Variants in JHY observed in about 807,000 individuals in gnomAD.
The protein encoded by JHY is jhy protein homolog.
JHY carries 69 observed loss-of-function variants against 78.0 expected under a neutral mutation model. That is an observed-to-expected ratio of 0.88 (90% CI 0.73 to 1.08). JHY has a LOEUF of 1.08. JHY is among the 50% of genes least tolerant of loss of function. JHY has a pLI of 0.00. For missense variants in JHY, 944 were observed against 927.8 expected (o/e 1.02, Z -0.23); for synonymous variants, 368 against 342.6 (o/e 1.07, Z -0.82).
chr11:122,887,982 C>T (rs1055059936), intron 2 of JHY, among the ~76,000 whole-genome samples: 1 of 151,238 alleles, frequency 6.6e-6, no homozygotes, highest in Non-Finnish European at 1.5e-5. Flanking sequence ...CGTGTGGGAG[C>T]GAGAAGTAGA....
At chr11:122,895,597 G>C (rs895267155) in intron 2 of JHY, among the ~76,000 whole-genome samples, 1 of 152,144 alleles carries the variant, frequency 6.6e-6, no homozygotes, top group Non-Finnish European at 1.5e-5. Context: ...ATGTGAAACC[G>C]TCCCCCACTC....
At chr11:122,921,286 T>A (rs1863359180) in intron 3 of JHY, among the ~76,000 whole-genome samples, 1 of 152,258 alleles carries the variant, frequency 6.6e-6, no homozygotes, top group African/African-American at 2.4e-5. Context: ...AATCAAACAG[T>A]ATCAACAGTA....
intron 3 of JHY, among the ~76,000 whole-genome samples, chr11:122,923,413 C>A (rs1362892344): frequency 1.3e-5 from 2 of 152,264 alleles, no homozygotes; most frequent in African/African-American, 4.8e-5. Flanking sequence ...AGGCAGACAG[C>A]GAGTAAACAT....
At chr11:122,914,773 T>C (rs980254467) in intron 3 of JHY, among the ~76,000 whole-genome samples, 3 of 152,162 alleles carry the variant, frequency 2.0e-5, no homozygotes, top group African/African-American at 7.2e-5. Context: ...ACCTATCCTA[T>C]TATACTTGTA....
In JHY at chr11:122,886,117, G is replaced by A; in HGVS notation, c.268G>A (p.Glu90Lys). Residue 90 changes from glutamate (E) to lysine (K), a missense_variant, in exon 2 of 9, where the codon GAG becomes AAG. Physicochemically the swap from Glu to Lys is moderately conservative, Grantham distance 56. Coordinates refer to ENST00000227349, the MANE Select transcript of JHY (RefSeq NM_024806.4). ...PRWGSLHEME[E>K]EASGKAAQMA... ...ATGGGGAAGCCTGCACGAGATGGAA[G>A]AGGAAGCAAGTGGAAAAGCAGCTCA... 1 of 1,614,204 alleles carries A rather than the reference G, an allele frequency of 6.2e-7. No individual in the cohort carries two copies. Among genetic ancestry groups the A allele is most frequent in the African/African-American group, 1.3e-5 (1 of 75,040 alleles).
rs1437547688 is a variant in JHY, at chr11:122,963,607, TAA to T, written c.*4164_*4165del. 2.0e-5 allele frequency among the ~76,000 whole-genome samples: 3 copies of T among 152,304 alleles called. No homozygotes were observed. The East Asian group carries it at 5.8e-4, about 29-fold the overall frequency. On this transcript the variant is annotated 3_prime_UTR_variant, in exon 9 of 9. Transcript: ENST00000227349. ...CACGTTTTTTGCTCCTGTTTTAAAG[TAA>T]ATTGTACTAATGACAACAATAGTGA...
chr11:122,955,351 C>T (rs1457752200), intron 6 of JHY, among the ~76,000 whole-genome samples: 1 of 152,070 alleles, frequency 6.6e-6, no homozygotes, highest in South Asian at 2.1e-4. Flanking sequence ...GAACTCCTAA[C>T]CTCAGGTGAT....
In JHY at chr11:122,882,892, CG is replaced by C. The variant is rs1349746562; in HGVS notation, c.-165del. The C allele has an allele frequency of 2.0e-5, 3 of 152,062 alleles. No individual in the cohort carries two copies. Among genetic ancestry groups the C allele is most frequent in the Non-Finnish European group, 4.4e-5 (3 of 67,928 alleles). 9.4% of individuals were successfully genotyped at this position (152,062 alleles called of 1,614,324 possible). On this transcript the variant is annotated 5_prime_UTR_variant, in exon 1 of 9. An upstream open reading frame in the 5' UTR gains an earlier in-frame stop. Transcript: ENST00000227349. ...GTCTCCAGGGCAGCGCCGGGGCGGG[CG>C]GGGGCCCGGGCGGCGGCGGCGGCGG...
At chr11:122,890,542 T>A (rs1012834055) in intron 2 of JHY, among the ~76,000 whole-genome samples, 2 of 152,204 alleles carry the variant, frequency 1.3e-5, no homozygotes, top group Non-Finnish European at 2.9e-5. Flanking sequence ...TCTGTATTTT[T>A]AAGATGAAGA....
rs532965713 is a variant in JHY at position 122,917,418 on chromosome 11, A to G, written c.865-7479A>G. Among the ~76,000 whole-genome samples, 1 of 152,290 alleles carries G rather than the reference A, an allele frequency of 6.6e-6. No individual in the cohort carries two copies. The highest frequency in any genetic ancestry group is 1.9e-4 in the East Asian group (1 of 5,184). Reference sequence around the variant, plus strand: ...AGACGTCTTTCATGCAGTCCCTTGTATGTCATTTTAAAGCAGAAGCTCTCA... The same window carrying G: ...AGACGTCTTTCATGCAGTCCCTTGTGTGTCATTTTAAAGCAGAAGCTCTCA... On this transcript the variant is annotated intron_variant, in intron 3 of 8. Transcript: ENST00000227349. The surrounding 1 kb of genome is among the most constrained non-coding windows in gnomAD (Gnocchi z 4.1).
At chr11:122,897,046 G>A (rs1468750391) in intron 2 of JHY, among the ~76,000 whole-genome samples, 4 of 151,214 alleles carry the variant, frequency 2.6e-5, no homozygotes, top group African/African-American at 4.9e-5. Context: ...TAGTAGAGAC[G>A]GGGTTTCACC....
In JHY at chr11:122,886,021, T is replaced by C. The variant is rs1475786494; in HGVS notation, c.172T>C (p.Ser58Pro). 3 of 1,614,076 alleles carry C rather than the reference T, an allele frequency of 1.9e-6. No individual in the cohort carries two copies. Among genetic ancestry groups the C allele is most frequent in the Admixed American group, 1.7e-5 (1 of 60,016 alleles). Reference protein sequence around the residue: ...ESLTQEIMCHSEFDDRIRGNG... With the variant: ...ESLTQEIMCHPEFDDRIRGNG... ...CCTCACGCAAGAGATTATGTGCCAT[T>C]CTGAGTTTGATGATCGAATCCGGGG... The change falls in exon 2 of 9, where the codon TCT (serine) becomes CCT (proline). Residue 58 changes from serine (S) to proline (P), a missense_variant. Coordinates refer to ENST00000227349, the MANE Select transcript of JHY (RefSeq NM_024806.4).
intron 6 of JHY, among the ~76,000 whole-genome samples, chr11:122,952,395 G>A (rs748381073): frequency 1.1e-4 from 17 of 152,066 alleles, no homozygotes; most frequent in Non-Finnish European, 2.4e-4. Flanking sequence ...GATTACTTGC[G>A]CCAACCTTAA....
At chr11:122,901,346 A>C (rs1468196374) in intron 2 of JHY, among the ~76,000 whole-genome samples, 1 of 152,210 alleles carries the variant, frequency 6.6e-6, no homozygotes, top group East Asian at 1.9e-4. Flanking sequence ...ACTGTAAGCT[A>C]CTGTGGACTT....
chr11:122,908,049 T>C lies in JHY; in HGVS notation c.864+3605T>C, dbSNP rs192969350. 6.6e-5 allele frequency among the ~76,000 whole-genome samples: 10 copies of C among 152,202 alleles called. No individual in the cohort carries two copies. The East Asian group carries it at 1.9e-3, about 29-fold the overall frequency. ...GGAATCAACTGGAGAATTTAAAAAG[T>C]ATTGATTCCCTAGATGAACCACTGA... On this transcript the variant is annotated intron_variant, in intron 3 of 8. Transcript: ENST00000227349.
Position 122,885,996 on chromosome 11 carries a change from C to T in JHY, c.147C>T (p.Ser49=). 1 of 1,614,134 alleles carries T rather than the reference C, an allele frequency of 6.2e-7. No individual in the cohort carries two copies. The highest frequency in any genetic ancestry group is 1.1e-5 in the South Asian group (1 of 91,080). ...SKDSLESDSE[S]LTQEIMCHSE... ...ACTCCTTGGAATCTGATTCAGAAAG[C>T]CTCACGCAAGAGATTATGTGCCATT... The change falls in exon 2 of 9, where the codon AGC becomes AGT. Residue 49 remains serine (S), a synonymous_variant. Coordinates refer to ENST00000227349, the MANE Select transcript of JHY (RefSeq NM_024806.4).
intron 2 of JHY, among the ~76,000 whole-genome samples, chr11:122,890,804 T>A (rs1367697323): frequency 1.3e-5 from 2 of 152,232 alleles, no homozygotes; most frequent in African/African-American, 4.8e-5. Context: ...GGACATTTTT[T>A]AATGATGAAC....
At chr11:122,940,110 G>A (rs907651317) in intron 5 of JHY, among the ~76,000 whole-genome samples, 6 of 151,910 alleles carry the variant, frequency 3.9e-5, no homozygotes, top group African/African-American at 7.3e-5. Context: ...AGGCCAAGGC[G>A]GTGGATCACT....
intron 3 of JHY, chr11:122,905,721 G>A: frequency 4.9e-6 from 2 of 406,778 alleles, no homozygotes; most frequent in Non-Finnish European, 6.6e-6. Flanking sequence ...ACAAAAATTA[G>A]CCGGGTGTGG....
Sources: gnomAD v4.1 joint callset for allele counts (sites outside exome capture counted in the v4.1 genomes callset) on GRCh38, gnomAD v4.1.1 for gene constraint, Gnocchi (gnomAD v3.1) non-coding constraint, MANE v1.5 for transcripts, NCBI Gene and HGNC (gene_info 2026-07-23, HGNC 2026-07-21) for gene names.